The following STK33 variants were observed in gnomAD, a reference collection of about 807,000 sequenced individuals.
STK33 encodes the protein serine/threonine-protein kinase 33.
In STK33, 52 loss-of-function variants were observed where a neutral mutation model predicts 58.0. The observed-to-expected ratio is 0.90, with a 90% CI of 0.72 to 1.13. The LOEUF is 1.13. Among genes scored for constraint, STK33 ranks in the 50% most tolerant of loss-of-function variants. The pLI, the probability that STK33 is intolerant of heterozygous loss-of-function variation, is 0.00. For synonymous variants in STK33, 215 were observed against 200.1 expected, an observed-to-expected ratio of 1.07 and a Z score of -0.63; for missense variants, 630 against 604.2, an observed-to-expected ratio of 1.04 and a Z score of -0.45.
intron 1 of STK33, among the ~76,000 whole-genome samples, chr11:8,552,761 A>C (rs1956390335): frequency 6.6e-6 from 1 of 152,106 alleles, no homozygotes; most frequent in African/African-American, 2.4e-5. Context: ...CTATGATAAA[A>C]ATGCCTTCTT....
intron 1 of STK33, among the ~76,000 whole-genome samples, chr11:8,560,160 C>T (rs1957025287): frequency 6.6e-6 from 1 of 152,050 alleles, no homozygotes; most frequent in Non-Finnish European, 1.5e-5. Context: ...ACACTCTTAG[C>T]AGTAGCACTG....
At chr11:8,399,253 T>C (rs1263527195) in intron 15 of STK33, among the ~76,000 whole-genome samples, 1 of 152,162 alleles carries the variant, frequency 6.6e-6, no homozygotes, top group Non-Finnish European at 1.5e-5. Flanking sequence ...AGAAAAGAAA[T>C]TATAACAAAC....
chr11:8,367,154 AGC>A, the STK33 span, among the ~76,000 whole-genome samples: 2 of 152,220 alleles, frequency 1.3e-5, no homozygotes, highest in Non-Finnish European at 2.9e-5. Context: ...ATGTGTACAA[AGC>A]GTGTGTGTAT....
chr11:8,516,890 G>A (rs1952844569), intron 1 of STK33, among the ~76,000 whole-genome samples: 1 of 152,178 alleles, frequency 6.6e-6, no homozygotes, highest in South Asian at 2.1e-4. Flanking sequence ...TGCCTCTGTA[G>A]ACTCCACATC....
intron 8 of STK33, among the ~76,000 whole-genome samples, chr11:8,461,507 G>A (rs1290045428): frequency 6.6e-6 from 1 of 152,098 alleles, no homozygotes; most frequent in African/African-American, 2.4e-5. Context: ...CAAAAGGAAA[G>A]GCACCTCTAA....
intron 14 of STK33, among the ~76,000 whole-genome samples, chr11:8,423,821 T>C (rs1417237418): frequency 6.6e-6 from 1 of 152,086 alleles, no homozygotes; most frequent in South Asian, 2.1e-4. Context: ...TATAATGGAT[T>C]TGCCAATTTC....
At chr11:8,552,077 G>GAGT (rs1427975846) in intron 1 of STK33, among the ~76,000 whole-genome samples, 4 of 152,178 alleles carry the variant, frequency 2.6e-5, no homozygotes, top group African/African-American at 9.7e-5. Context: ...AGTGCATCTG[G>GAGT]AGTAGGCTTC....
intron 15 of STK33, among the ~76,000 whole-genome samples, chr11:8,401,803 A>C (rs1004850861): frequency 6.6e-6 from 1 of 152,230 alleles, no homozygotes; most frequent in Non-Finnish European, 1.5e-5. Flanking sequence ...AAAGTGGGCA[A>C]AGGATATGAA....
At chr11:8,344,191 C>CA in the STK33 span, among the ~76,000 whole-genome samples, 4 of 50,336 alleles carry the variant, frequency 7.9e-5, no homozygotes, top group East Asian at 5.4e-4. Context: ...ATCTCTAAAA[C>CA]AAACAAAACA....
the STK33 span, among the ~76,000 whole-genome samples, chr11:8,363,043 G>T: frequency 1.3e-5 from 2 of 152,220 alleles, no homozygotes; most frequent in Non-Finnish European, 2.9e-5. Flanking sequence ...GGGCTCCAGG[G>T]TGGAGCAGGT....
chr11:8,415,517 T>A (rs1267402338), intron 14 of STK33, among the ~76,000 whole-genome samples: 4 of 151,870 alleles, frequency 2.6e-5, no homozygotes, highest in Non-Finnish European at 5.9e-5. Flanking sequence ...AGAGATGGAG[T>A]CTCCCTCAGC....
chr11:8,352,927 C>T, the STK33 span, among the ~76,000 whole-genome samples: 1 of 152,180 alleles, frequency 6.6e-6, no homozygotes, highest in Non-Finnish European at 1.5e-5. Context: ...CCAGAGGGAG[C>T]GGCAGCAGAA....
chr11:8,552,063 A>G (rs1204241755), intron 1 of STK33, among the ~76,000 whole-genome samples: 1 of 152,170 alleles, frequency 6.6e-6, no homozygotes, highest in Non-Finnish European at 1.5e-5. Context: ...CATGGTTCCT[A>G]TGGAGTGCAT....
chr11:8,427,408 T>C (rs1244137021), intron 14 of STK33, among the ~76,000 whole-genome samples: 1 of 152,168 alleles, frequency 6.6e-6, no homozygotes, highest in East Asian at 1.9e-4. Context: ...TTCTTATTGA[T>C]GTTTTAAAAT....
chr11:8,508,103 C>T (rs763948274), intron 1 of STK33, among the ~76,000 whole-genome samples: 1 of 151,994 alleles, frequency 6.6e-6, no homozygotes, highest in Non-Finnish European at 1.5e-5. Context: ...GTTAGCCAGG[C>T]TGGTCTTAAA....
At chr11:8,521,061 T>C (rs1041789828) in intron 1 of STK33, among the ~76,000 whole-genome samples, 2 of 150,718 alleles carry the variant, frequency 1.3e-5, no homozygotes, top group Non-Finnish European at 3.0e-5. Context: ...ATTTATAATT[T>C]ATAATTTGTT....
At chr11:8,449,549 G>T (rs1410795002) in intron 11 of STK33, among the ~76,000 whole-genome samples, 2 of 149,446 alleles carry the variant, frequency 1.3e-5, no homozygotes, top group Non-Finnish European at 3.0e-5. Context: ...ACCAAACACC[G>T]CATGTTCTCA....
At chr11:8,485,401 A>G (rs1190393551) in intron 1 of STK33, among the ~76,000 whole-genome samples, 1 of 152,222 alleles carries the variant, frequency 6.6e-6, no homozygotes, top group Non-Finnish European at 1.5e-5. Flanking sequence ...AAAGTCATGT[A>G]GACATAAATT....
At chr11:8,504,269 C>G (rs1951716674) in intron 1 of STK33, among the ~76,000 whole-genome samples, 1 of 152,122 alleles carries the variant, frequency 6.6e-6, no homozygotes, top group African/African-American at 2.4e-5. Context: ...CTGTTATGAA[C>G]CAATACATCA....
Sources: allele counts gnomAD v4.1 joint callset (sites outside exome capture counted in the v4.1 genomes callset), GRCh38; gene constraint gnomAD v4.1.1; transcripts MANE v1.5; gene names NCBI Gene and HGNC (gene_info 2026-07-23, HGNC 2026-07-21).